Variants in VIPR1 observed in about 807,000 individuals in gnomAD.
VIPR1 encodes the protein vasoactive intestinal polypeptide receptor 1.
A neutral mutation model predicts 58.8 loss-of-function variants in VIPR1; 59 were observed. That is an observed-to-expected ratio of 1.00 (90% CI 0.81 to 1.25). VIPR1 has a LOEUF of 1.25. Ranked by LOEUF, VIPR1 falls within the 50% of genes most tolerant of loss-of-function variation. The probability of loss-of-function intolerance (pLI) is 0.00; values close to 1 mark genes in which losing one functional copy is unlikely to be tolerated. For missense variants in VIPR1, 626 were observed against 602.7 expected, an observed-to-expected ratio of 1.04 and a Z score of -0.40; for synonymous variants, 251 against 242.1, an observed-to-expected ratio of 1.04 and a Z score of -0.34.
intron 1 of VIPR1, chr3:42,513,209 A>T (rs1286133240): frequency 6.5e-6 from 1 of 154,046 alleles, no homozygotes; most frequent in East Asian, 1.9e-4. Context: ...TCCCCTCCCT[A>T]GCCTGGTGAC....
intron 10 of VIPR1, 28 bp from the exon 11 acceptor site, chr3:42,534,947 C>T (rs1701762287): frequency 2.5e-6 from 4 of 1,613,374 alleles, no homozygotes; most frequent in Non-Finnish European, 3.4e-6. Context: ...ACACACATAC[C>T]CATGGCCTGT....
intron 5 of VIPR1, 24 bp downstream of exon 5, chr3:42,527,520 G>C: frequency 6.2e-7 from 1 of 1,609,460 alleles, no homozygotes; most frequent in South Asian, 1.1e-5. Flanking sequence ...CAAGTCACAG[G>C]CCTCAAAGCA....
intron 3 of VIPR1, among the ~76,000 whole-genome samples, chr3:42,524,117 TA>T (rs1402912872): frequency 6.6e-6 from 1 of 152,206 alleles, no homozygotes; most frequent in Non-Finnish European, 1.5e-5. Context: ...ACCCAGCCCT[TA>T]ACCCTGTTTT....
At chr3:42,531,127 C>A in intron 7 of VIPR1, 195 bp downstream of exon 7, 2 of 727,182 alleles carry the variant, frequency 2.8e-6, no homozygotes, top group Non-Finnish European at 4.4e-6. Context: ...CAGGTTGCAG[C>A]TGCACCTAGG....
At chr3:42,518,155 A>C (rs1380020054) in intron 2 of VIPR1, among the ~76,000 whole-genome samples, 1 of 152,178 alleles carries the variant, frequency 6.6e-6, no homozygotes, top group Non-Finnish European at 1.5e-5. Context: ...GTAATTTACA[A>C]TAAAGTACCA....
At chr3:42,510,427 A>C (rs569066433) in intron 1 of VIPR1, among the ~76,000 whole-genome samples, 1 of 152,306 alleles carries the variant, frequency 6.6e-6, no homozygotes, top group South Asian at 2.1e-4. Context: ...CAGAGGGATA[A>C]TGAGGATGTT....
intron 12 of VIPR1, 148 bp downstream of exon 12, chr3:42,535,532 AG>A: frequency 1.2e-6 from 1 of 826,742 alleles, no homozygotes. Flanking sequence ...GGTGTCACCT[AG>A]GCCCTTGTTA....
At chr3:42,494,765 TTTA>T (rs1464990874) in intron 1 of VIPR1, among the ~76,000 whole-genome samples, 3 of 152,340 alleles carry the variant, frequency 2.0e-5, no homozygotes, top group African/African-American at 7.2e-5. Context: ...TTGGATTTAA[TTTA>T]TTATTTTTTT....
chr3:42,503,365 G>A (rs970519408), intron 1 of VIPR1, among the ~76,000 whole-genome samples: 1 of 152,134 alleles, frequency 6.6e-6, no homozygotes, highest in African/African-American at 2.4e-5. Flanking sequence ...AAGCAAAAAG[G>A]TACCAGACCC....
intron 3 of VIPR1, among the ~76,000 whole-genome samples, chr3:42,523,039 G>A (rs1701033693): frequency 6.6e-6 from 1 of 151,868 alleles, no homozygotes; most frequent in African/African-American, 2.4e-5. Context: ...GTGGAGCCCA[G>A]CCTGGCCCAG....
Position 42,527,506 on chromosome 3 carries a change from A to C in VIPR1, c.503+10A>C, listed in dbSNP as rs1428110894. The C allele has an allele frequency of 6.2e-7, 1 of 1,612,616 alleles. No homozygotes were observed. Among genetic ancestry groups the C allele is most frequent in the South Asian group, 1.1e-5 (1 of 91,082 alleles). On this transcript the variant is annotated intron_variant, in intron 5 of 12. Transcript: ENST00000325123. ...TCCTGAGCCTGTTCAGGTGAGGCCCAGCCCAAGTCACAGGCCTCAAAGCAA... is the reference window on the plus strand; with the variant it reads ...TCCTGAGCCTGTTCAGGTGAGGCCCCGCCCAAGTCACAGGCCTCAAAGCAA...
intron 8 of VIPR1, 128 bp downstream of exon 8, chr3:42,531,659 G>A: frequency 1.3e-6 from 2 of 1,551,286 alleles, no homozygotes; most frequent in Non-Finnish European, 1.8e-6. Context: ...GGGGAGGCTG[G>A]AGGAGGACCT....
At chr3:42,527,615 A>G in intron 5 of VIPR1, 119 bp downstream of exon 5, 1 of 945,532 alleles carries the variant, frequency 1.1e-6, no homozygotes, top group Non-Finnish European at 1.6e-6. Context: ...CCAGCAGCAC[A>G]TACTCCCCAG....
At chr3:42,514,224 G>A (rs1001800039) in intron 2 of VIPR1, among the ~76,000 whole-genome samples, 8 of 152,026 alleles carry the variant, frequency 5.3e-5, no homozygotes, top group African/African-American at 1.9e-4. Context: ...ACCAATGAGG[G>A]CAGGCAGGTT....
chr3:42,535,817 TAC>T (rs1367702020), intron 12 of VIPR1, among the ~76,000 whole-genome samples: 1 of 151,880 alleles, frequency 6.6e-6, no homozygotes, highest in Non-Finnish European at 1.5e-5. Flanking sequence ...AGAATTGGAG[TAC>T]AGTCACCCCT....
At chr3:42,517,062 T>C (rs889754122) in intron 2 of VIPR1, among the ~76,000 whole-genome samples, 1 of 151,840 alleles carries the variant, frequency 6.6e-6, no homozygotes, top group Non-Finnish European at 1.5e-5. Context: ...TCAAGACAGG[T>C]TGGGGGAAAA....
chr3:42,518,620 T>A (rs1700751655), intron 2 of VIPR1, among the ~76,000 whole-genome samples: 1 of 152,150 alleles, frequency 6.6e-6, no homozygotes, highest in South Asian at 2.1e-4. Flanking sequence ...GGGCCTATAG[T>A]CCCAGCTACT....
intron 2 of VIPR1, among the ~76,000 whole-genome samples, chr3:42,518,260 A>T (rs1052275395): frequency 6.6e-6 from 1 of 152,142 alleles, no homozygotes; most frequent in Non-Finnish European, 1.5e-5. Context: ...ATGCAGACTG[A>T]TGGACACAGG....
chr3:42,510,634 C>T lies in VIPR1; in HGVS notation c.79-3115C>T, dbSNP rs927776111. 5.3e-5 allele frequency among the ~76,000 whole-genome samples: 8 copies of T among 152,112 alleles called. No homozygotes were observed. The East Asian group carries it at 5.8e-4, about 11-fold the overall frequency. ...GAGACTTAGGTCCCATCTGGGAATG[C>T]GCATTTGCTGGGTGACCTCAGGTCC... is the stretch of plus-strand genomic sequence containing the variant. On this transcript the variant is annotated intron_variant, in intron 1 of 12. Transcript: ENST00000325123.
Sources: allele counts gnomAD v4.1 joint callset (sites outside exome capture counted in the v4.1 genomes callset), GRCh38; gene constraint gnomAD v4.1.1; transcripts MANE v1.5; gene names NCBI Gene and HGNC (gene_info 2026-07-23, HGNC 2026-07-21).